Variants in ARHGAP29 observed in about 807,000 individuals in gnomAD.
ARHGAP29 encodes Rho GTPase activating protein 29.
Under a neutral mutation model 122.6 loss-of-function variants are expected in ARHGAP29, and 43 were observed. The observed-to-expected ratio is 0.35, with a 90% CI of 0.27 to 0.45. The LOEUF (loss-of-function observed/expected upper bound fraction) is 0.45, where lower values mean the gene tolerates loss of function less well. ARHGAP29 is among the 20% of genes least tolerant of loss of function. ARHGAP29 has a pLI of 1.00. For synonymous variants in ARHGAP29, 506 were observed against 497.1 expected (o/e 1.02, Z -0.24); for missense variants, 1,303 against 1,477.2 (o/e 0.88, Z 1.93).
At chr1:94,266,904 A>G (rs1447019229) in intron 1 of ARHGAP29, among the ~76,000 whole-genome samples, 1 of 152,240 alleles carries the variant, frequency 6.6e-6, no homozygotes, top group Admixed American at 6.5e-5. Flanking sequence ...AACTTTGGAC[A>G]TCTTACATGT....
At chr1:94,213,126 A>G (rs1246450339) in intron 3 of ARHGAP29, among the ~76,000 whole-genome samples, 1 of 152,196 alleles carries the variant, frequency 6.6e-6, no homozygotes. Flanking sequence ...TTAACCTTAA[A>G]TTCAAGATTT....
chr1:94,241,701 A>G (rs1300732834), upstream of ARHGAP29, among the ~76,000 whole-genome samples: 1 of 31,440 alleles, frequency 3.2e-5, no homozygotes, highest in Middle Eastern at 0.012. Flanking sequence ...ATATGTAATT[A>G]TATATGATAT....
intron 3 of ARHGAP29, among the ~76,000 whole-genome samples, chr1:94,217,350 A>C (rs977974181): frequency 6.6e-6 from 1 of 152,012 alleles, no homozygotes; most frequent in Non-Finnish European, 1.5e-5. Context: ...TCTGGCCAAA[A>C]TGGTAAAATC....
At chr1:94,257,644 G>A (rs1654412659) in intron 1 of ARHGAP29, among the ~76,000 whole-genome samples, 1 of 152,112 alleles carries the variant, frequency 6.6e-6, no homozygotes, top group South Asian at 2.1e-4. Context: ...GGGAGGTCAA[G>A]CTTGCAGTGA....
At chr1:94,270,793 A>C (rs1004289548) in intron 1 of ARHGAP29, among the ~76,000 whole-genome samples, 6 of 152,248 alleles carry the variant, frequency 3.9e-5, no homozygotes, top group Non-Finnish European at 8.8e-5. Flanking sequence ...TTGAAAGACA[A>C]CAAAGAAAGT....
chr1:94,203,004 A>G lies in ARHGAP29; in HGVS notation c.874-6T>C. ...TTTTTCCTTCCAAGTAGAGGCTGTG[A>G]AAGGTATTTAAAATGGAAAAAGAGA... On this transcript the variant is annotated splice_polypyrimidine_tract_variant and splice_region_variant and intron_variant, in intron 9 of 22. Coordinates refer to ENST00000260526, the MANE Select transcript of ARHGAP29 (RefSeq NM_004815.4). The G allele has an allele frequency of 6.2e-7, 1 of 1,603,940 alleles. No homozygotes were observed. The highest frequency in any genetic ancestry group is 1.1e-5 in the South Asian group (1 of 88,204).
intron 5 of ARHGAP29, among the ~76,000 whole-genome samples, chr1:94,207,094 T>C (rs1036871655): frequency 9.5e-5 from 5 of 52,792 alleles, no homozygotes; most frequent in African/African-American, 2.0e-4. Flanking sequence ...CTGCAACCTC[T>C]GCCTTCTGGG....
chr1:94,218,955 A>AT (rs1186167020), intron 3 of ARHGAP29, among the ~76,000 whole-genome samples: 1 of 152,098 alleles, frequency 6.6e-6, no homozygotes, highest in Admixed American at 6.5e-5. Context: ...TTCTTGTATT[A>AT]CAGCCCCATC....
intron 2 of ARHGAP29, among the ~76,000 whole-genome samples, chr1:94,231,000 C>T (rs1366952120): frequency 6.6e-6 from 1 of 151,630 alleles, no homozygotes; most frequent in East Asian, 1.9e-4. Context: ...AAAACTTCAT[C>T]TAAAATGTGG....
intron 1 of ARHGAP29, among the ~76,000 whole-genome samples, chr1:94,268,930 A>G (rs1654887772): frequency 6.6e-6 from 1 of 152,214 alleles, no homozygotes; most frequent in Non-Finnish European, 1.5e-5. Context: ...GTATATATAT[A>G]CACACATTAT....
chr1:94,241,062 A>G (rs1653552968), upstream of ARHGAP29, among the ~76,000 whole-genome samples: 1 of 152,156 alleles, frequency 6.6e-6, no homozygotes, highest in Non-Finnish European at 1.5e-5. Context: ...AACTTCCTAC[A>G]TGCATAGGAC....
the ARHGAP29 span, among the ~76,000 whole-genome samples, chr1:94,306,475 A>G: frequency 6.6e-6 from 1 of 152,232 alleles, no homozygotes; most frequent in Non-Finnish European, 1.5e-5. Flanking sequence ...AGACTGTTAT[A>G]TTTCATCTGA....
chr1:94,220,148 C>T (rs2101581175), intron 3 of ARHGAP29, 110 bp downstream of exon 3: 2 of 1,200,452 alleles, frequency 1.7e-6, no homozygotes, highest in Non-Finnish European at 2.4e-6. Flanking sequence ...TATTAACATA[C>T]ATCACACAAA....
chr1:94,259,770 G>T (rs1370550576), intron 1 of ARHGAP29, among the ~76,000 whole-genome samples: 1 of 152,070 alleles, frequency 6.6e-6, no homozygotes, highest in Non-Finnish European at 1.5e-5. Flanking sequence ...GCAAGTTTGT[G>T]GTAGTTTGTT....
chr1:94,179,876 G>C lies in ARHGAP29; in HGVS notation c.2329C>G (p.Gln777Glu), dbSNP rs756082347. 6.2e-7 allele frequency: 1 copy of C among 1,612,740 alleles called. No individual in the cohort carries two copies. Among genetic ancestry groups the C allele is most frequent in the Non-Finnish European group, 8.5e-7 (1 of 1,179,436 alleles). ...AKEIQHVNEE[Q>E]ETKKNSLEDK... ...TCAAGACTATTCTTTTTTGTCTCTT[G>C]TTCTTCATTTACATGTTGGATCTCT... Residue 777 changes from glutamine (Q) to glutamate (E), a missense_variant, in exon 20 of 23, where the codon CAA becomes GAA. Gln to Glu is a conservative substitution (Grantham distance 29). Coordinates refer to ENST00000260526, the MANE Select transcript of ARHGAP29 (RefSeq NM_004815.4).
At chr1:94,296,997 G>C in the ARHGAP29 span, among the ~76,000 whole-genome samples, 1 of 152,304 alleles carries the variant, frequency 6.6e-6, no homozygotes, top group East Asian at 1.9e-4. Flanking sequence ...ATAGTGCAGG[G>C]AGGATGAGAA....
chr1:94,209,146 T>C (rs1651412917), intron 4 of ARHGAP29, 108 bp downstream of exon 4: 3 of 900,022 alleles, frequency 3.3e-6, no homozygotes, highest in Non-Finnish European at 5.2e-6. Flanking sequence ...AGTTGTGATA[T>C]TTAATACCAT....
Position 94,209,354 on chromosome 1 carries a change from TA to T in ARHGAP29, c.341-5del. 1 of 1,588,898 alleles carries T rather than the reference TA, an allele frequency of 6.3e-7. No individual in the cohort carries two copies. On this transcript the variant is annotated splice_polypyrimidine_tract_variant and splice_region_variant and intron_variant, in intron 3 of 22. Coordinates refer to ENST00000260526, the MANE Select transcript of ARHGAP29 (RefSeq NM_004815.4). ...TTAACTTCTGTGAAGTTCACAGCTG[TA>T]AGGAAAAGTTGGTTACAATAAGGAA...
chr1:94,258,437 A>C (rs1654443106), intron 1 of ARHGAP29, among the ~76,000 whole-genome samples: 2 of 152,238 alleles, frequency 1.3e-5, no homozygotes, highest in African/African-American at 4.8e-5. Flanking sequence ...TGAGAGGTGG[A>C]ATCTGGCCTG....
Sources: gnomAD v4.1 joint callset for allele counts (sites outside exome capture counted in the v4.1 genomes callset) on GRCh38, gnomAD v4.1.1 for gene constraint, MANE v1.5 for transcripts, NCBI Gene and HGNC (gene_info 2026-07-23, HGNC 2026-07-21) for gene names.